TBCD: variants seen among roughly 807,000 people sequenced by gnomAD.
TBCD encodes tubulin-specific chaperone D.
In TBCD, 105 loss-of-function variants were observed where a neutral mutation model predicts 169.3. The ratio of observed to expected loss-of-function variants is 0.62; its 90% CI spans 0.53 to 0.73. The LOEUF is 0.73. Among genes scored for constraint, TBCD ranks in the 30% least tolerant of loss-of-function variants. TBCD has a pLI of 0.00. For missense variants in TBCD, 1,444 were observed against 1,600.1 expected, an observed-to-expected ratio of 0.90 and a Z score of 1.66; for synonymous variants, 700 against 643.9, an observed-to-expected ratio of 1.09 and a Z score of -1.32.
intron 15 of TBCD, among the ~76,000 whole-genome samples, chr17:82,885,249 G>C (rs1476378726): frequency 6.6e-6 from 1 of 152,172 alleles, no homozygotes; most frequent in Admixed American, 6.5e-5. Context: ...TTTCCTGTCA[G>C]CCCTGCAGTG....
intron 13 of TBCD, among the ~76,000 whole-genome samples, chr17:82,846,060 G>A (rs963827166): frequency 7.2e-5 from 11 of 152,366 alleles, no homozygotes; most frequent in African/African-American, 2.4e-4. Context: ...GCTCCGGGCC[G>A]GAGGGCACCT....
rs36145167 is a variant in TBCD, at chr17:82,780,645, CTTTTTT to C, written c.639-932_639-927del. ...ATCTCAAAAAAAAGGAAGACTTGGG[CTTTTTT>C]TTTTTTTTTTTGAGACAGAGTCTTG... On this transcript the variant is annotated intron_variant, in intron 6 of 38. Coordinates refer to ENST00000355528, the MANE Select transcript of TBCD (RefSeq NM_005993.5). Among the ~76,000 whole-genome samples, 28 of 104,726 alleles carry C rather than the reference CTTTTTT, an allele frequency of 2.7e-4. 1 individual carries two copies. Among genetic ancestry groups the C allele is most frequent in the African/African-American group, 8.9e-4 (24 of 26,986 alleles). 68.7% of individuals were successfully genotyped at this position (104,726 alleles called of 152,430 possible).
intron 23 of TBCD, chr17:82,918,664 C>T (rs1024038797): frequency 1.4e-4 from 21 of 152,092 alleles, no homozygotes; most frequent in African/African-American, 5.1e-4. Context: ...TCGTGAGAGG[C>T]TGAGGCACCG....
chr17:82,891,109 TC>T (rs1337731310), intron 16 of TBCD, among the ~76,000 whole-genome samples: 3 of 152,212 alleles, frequency 2.0e-5, no homozygotes, highest in Non-Finnish European at 4.4e-5. Context: ...CACTCTGTGT[TC>T]CGGGTTCCCA....
chr17:82,795,238 G>A (rs755672642), intron 7 of TBCD, among the ~76,000 whole-genome samples: 6 of 152,192 alleles, frequency 3.9e-5, no homozygotes, highest in Admixed American at 1.3e-4. Flanking sequence ...GTGTTAGCCC[G>A]TTGCCAAGTA....
intron 16 of TBCD, among the ~76,000 whole-genome samples, chr17:82,892,267 T>C (rs1412133435): frequency 6.6e-6 from 1 of 152,116 alleles, no homozygotes. Flanking sequence ...CCTGCTGTGA[T>C]GTGGGGCATG....
intron 13 of TBCD, among the ~76,000 whole-genome samples, chr17:82,857,621 T>G (rs973013290): frequency 2.6e-5 from 4 of 152,116 alleles, no homozygotes; most frequent in African/African-American, 9.7e-5. Context: ...AAATTGGAGT[T>G]GAGATTCTGT....
chr17:82,763,015 T>C (rs1173388245), intron 2 of TBCD, among the ~76,000 whole-genome samples: 1 of 152,202 alleles, frequency 6.6e-6, no homozygotes, highest in East Asian at 1.9e-4. Flanking sequence ...CCGCGTGCAC[T>C]TGAGAAAAAT....
At chr17:82,793,034 A>T (rs549084602) in intron 7 of TBCD, among the ~76,000 whole-genome samples, 62 of 152,248 alleles carry the variant, frequency 4.1e-4, no homozygotes, top group African/African-American at 1.4e-3. Flanking sequence ...AAGCGCTCGG[A>T]TTCTAGGTGT....
chr17:82,855,235 C>CTTTTTTTTTTTTTTTT (rs58346723), intron 13 of TBCD, among the ~76,000 whole-genome samples: 1 of 53,992 alleles, frequency 1.9e-5, no homozygotes, highest in African/African-American at 6.5e-5. Flanking sequence ...AAGGTGTTTG[C>CTTTTTTTTTTTTTTTT]TTTTTTTTTT....
chr17:82,856,751 C>G (rs1384306366), intron 13 of TBCD, among the ~76,000 whole-genome samples: 58 of 109,974 alleles, frequency 5.3e-4, no homozygotes, highest in Middle Eastern at 0.014. Context: ...CGGACCCTCG[C>G]TGCGCATCCA....
At chr17:82,919,699 G>T (rs2061298966) in intron 23 of TBCD, among the ~76,000 whole-genome samples, 2 of 152,234 alleles carry the variant, frequency 1.3e-5, no homozygotes. Context: ...AAGAATCTTG[G>T]TGCTGACAGA....
intron 13 of TBCD, among the ~76,000 whole-genome samples, chr17:82,845,994 G>A (rs898674215): frequency 1.1e-4 from 16 of 152,224 alleles, no homozygotes; most frequent in African/African-American, 3.1e-4. Flanking sequence ...ATTTTGACGC[G>A]GCTGTAGGGG....
intron 14 of TBCD, among the ~76,000 whole-genome samples, chr17:82,873,583 G>A (rs1331209525): frequency 6.6e-6 from 1 of 152,194 alleles, no homozygotes; most frequent in Non-Finnish European, 1.5e-5. Flanking sequence ...GAAAAGTCAC[G>A]AGCAAGAAAG....
Position 82,920,691 on chromosome 17 carries a change from G to A in TBCD, c.2101+73G>A, listed in dbSNP as rs571170583. ...CAGATTAAAAGGTAAAAATGAACCT[G>A]TTAGGATGGGGGCGATAAACGATTA... On this transcript the variant is annotated intron_variant, in intron 24 of 38. Transcript: ENST00000355528. The surrounding 1 kb of genome is among the most constrained non-coding windows in gnomAD (Gnocchi z 4.1). 8 of 1,279,842 alleles carry A rather than the reference G, an allele frequency of 6.3e-6. No homozygotes were observed. Among genetic ancestry groups the A allele is most frequent in the Admixed American group, 4.6e-5 (2 of 43,160 alleles). The allele number at this position is 1,279,842 out of a possible 1,614,324, so 79.3% of individuals were successfully genotyped here.
intron 7 of TBCD, among the ~76,000 whole-genome samples, chr17:82,790,328 C>A (rs375276098): frequency 5.3e-5 from 8 of 152,352 alleles, no homozygotes; most frequent in African/African-American, 1.9e-4. Flanking sequence ...CCTGGCAGCA[C>A]ACCTGCTGTC....
intron 26 of TBCD, among the ~76,000 whole-genome samples, 191 bp from the exon 27 acceptor site, chr17:82,924,748 C>G (rs2061616323): frequency 6.6e-6 from 1 of 151,806 alleles, no homozygotes; most frequent in South Asian, 2.1e-4. Flanking sequence ...ATGAGACTCT[C>G]TCAAAAAAAA....
chr17:82,826,993 A>T (rs2052906993), intron 13 of TBCD, among the ~76,000 whole-genome samples: 1 of 151,764 alleles, frequency 6.6e-6, no homozygotes, highest in Non-Finnish European at 1.5e-5. Flanking sequence ...CTGGTCTCAA[A>T]CTCCTGACCT....
intron 7 of TBCD, among the ~76,000 whole-genome samples, chr17:82,788,382 A>G (rs1023176304): frequency 4.6e-5 from 7 of 152,066 alleles, no homozygotes; most frequent in East Asian, 1.9e-4. Flanking sequence ...GTGTTCTCAC[A>G]ATGGCTGGGA....
Sources: gnomAD v4.1 joint callset for allele counts (sites outside exome capture counted in the v4.1 genomes callset) on GRCh38, gnomAD v4.1.1 for gene constraint, Gnocchi (gnomAD v3.1) non-coding constraint, MANE v1.5 for transcripts, NCBI Gene and HGNC (gene_info 2026-07-23, HGNC 2026-07-21) for gene names.